The following DMD variants were observed in gnomAD, a reference collection of about 807,000 sequenced individuals.
The protein encoded by DMD is dystrophin.
In DMD, 63 loss-of-function variants were observed where a neutral mutation model predicts 330.1. The ratio of observed to expected loss-of-function variants is 0.19; its 90% CI spans 0.16 to 0.24. DMD has a LOEUF of 0.24. Ranked by LOEUF, DMD falls within the 10% of genes least tolerant of loss-of-function variation. The pLI, the probability that DMD is intolerant of heterozygous loss-of-function variation, is 1.00. For missense variants in DMD, 3,344 were observed against 2,684.1 expected, an observed-to-expected ratio of 1.25 and a Z score of -5.43; for synonymous variants, 1,223 against 959.8, an observed-to-expected ratio of 1.27 and a Z score of -5.07.
intron 45 of DMD, among the ~76,000 whole-genome samples, chrX:31,959,337 C>T (rs984251998): frequency 8.9e-6 from 1 of 111,760 alleles, no homozygotes; most frequent in African/African-American, 3.3e-5. Flanking sequence ...TTTGTCATGG[C>T]GTCATTTTTC....
intron 63 of DMD, among the ~76,000 whole-genome samples, chrX:31,227,697 A>G (rs1056547116): frequency 1.8e-5 from 2 of 110,628 alleles, no homozygotes; most frequent in Admixed American, 9.6e-5. Flanking sequence ...GGGCAGTATG[A>G]CCATTTTCAC....
chrX:32,600,856 G>C (rs1203071731), intron 12 of DMD, among the ~76,000 whole-genome samples: 1 of 111,156 alleles, frequency 9.0e-6, no homozygotes, highest in Non-Finnish European at 1.9e-5. Flanking sequence ...TCTAGGAATA[G>C]AGTTGAGTCT....
intron 7 of DMD, among the ~76,000 whole-genome samples, chrX:32,732,875 T>A (rs2067899463): frequency 9.1e-6 from 1 of 110,417 alleles, no homozygotes. Context: ...AATCACCAGC[T>A]AACATCATAA....
intron 1 of DMD, among the ~76,000 whole-genome samples, chrX:33,109,986 G>C (rs902637020): frequency 9.1e-6 from 1 of 110,066 alleles, no homozygotes; most frequent in African/African-American, 3.3e-5. Context: ...TTGTTTCTTT[G>C]TTTGTTTACA....
chrX:31,763,537 C>T (rs373275270), intron 51 of DMD, among the ~76,000 whole-genome samples: 112 of 110,762 alleles, frequency 1.0e-3, no homozygotes, highest in African/African-American at 3.3e-3. Context: ...CACTCCAGCC[C>T]GGGCAACAGT....
intron 44 of DMD, among the ~76,000 whole-genome samples, chrX:32,065,910 A>G (rs1473088559): frequency 9.0e-6 from 1 of 111,570 alleles, no homozygotes; most frequent in Non-Finnish European, 1.9e-5. Context: ...AACAAATTTC[A>G]CAGTACCTCT....
intron 6 of DMD, among the ~76,000 whole-genome samples, chrX:32,809,919 C>CCAAAAA (rs2077222247): frequency 3.5e-5 from 1 of 28,660 alleles, no homozygotes; most frequent in African/African-American, 1.3e-4. Flanking sequence ...TTGTTTCTAC[C>CCAAAAA]AAAAAAAAAA....
intron 1 of DMD, among the ~76,000 whole-genome samples, chrX:33,027,397 C>T (rs1263264032): frequency 2.7e-5 from 3 of 112,395 alleles, no homozygotes; most frequent in Admixed American, 9.4e-5. Context: ...GTACACAGCC[C>T]TTCTGGCATC....
chrX:32,680,979 T>G, intron 9 of DMD, among the ~76,000 whole-genome samples: 1 of 112,507 alleles, frequency 8.9e-6, no homozygotes. Flanking sequence ...CACTTTTCAC[T>G]GATTTCTTCT....
intron 13 of DMD, among the ~76,000 whole-genome samples, chrX:32,574,752 CAT>C (rs2052832909): frequency 9.0e-6 from 1 of 110,680 alleles, no homozygotes; most frequent in Non-Finnish European, 1.9e-5. Context: ...GTTTATAACT[CAT>C]ATTTTTGAAA....
chrX:31,289,530 T>C (rs1425917476), intron 62 of DMD, among the ~76,000 whole-genome samples: 2 of 110,707 alleles, frequency 1.8e-5, no homozygotes, highest in Admixed American at 9.6e-5. Flanking sequence ...AGACCAGGCC[T>C]GAATCCACTG....
chrX:32,835,283 C>T (rs1407323302), intron 4 of DMD, among the ~76,000 whole-genome samples: 1 of 111,855 alleles, frequency 8.9e-6, no homozygotes, highest in African/African-American at 3.2e-5. Flanking sequence ...ATGTTTCATC[C>T]TAGCTGGGAT....
rs1491296413 is a variant in DMD, at chrX:32,042,088, CAT to C, written c.6439-73576_6439-73575del. ...ATATGTACACATATATACACACACACATATGTATACATATATACATACATATA... is the reference window on the plus strand; with the variant it reads ...ATATGTACACATATATACACACACACATGTATACATATATACATACATATA... On this transcript the variant is annotated intron_variant, in intron 44 of 78. Transcript: ENST00000357033. Among the ~76,000 whole-genome samples, 11 of 81,555 alleles carry C rather than the reference CAT, an allele frequency of 1.3e-4. No homozygotes were observed. In the South Asian group the frequency reaches 3.1e-3, roughly 23 times the overall value. 70.8% of individuals were successfully genotyped at this position (81,555 alleles called of 115,157 possible). A position where few individuals can be genotyped will look rare whatever the true frequency, so the allele number is the denominator to read the frequency against.
At chrX:32,373,213 G>A (rs2097886801) in intron 34 of DMD, among the ~76,000 whole-genome samples, 1 of 108,064 alleles carries the variant, frequency 9.3e-6, no homozygotes, top group Non-Finnish European at 1.9e-5. Context: ...ATTCTGAGCA[G>A]GAAGAAAACT....
intron 1 of DMD, among the ~76,000 whole-genome samples, chrX:33,046,643 C>G (rs376095240): frequency 8.9e-6 from 1 of 112,034 alleles, no homozygotes; most frequent in African/African-American, 3.2e-5. Flanking sequence ...AAATATCAAT[C>G]CTGTTTCCTA....
chrX:33,100,620 G>A (rs1463144911), intron 1 of DMD, among the ~76,000 whole-genome samples: 1 of 111,404 alleles, frequency 9.0e-6, no homozygotes, highest in East Asian at 2.8e-4. Flanking sequence ...GAACCCAGGA[G>A]GCGGAGATTG....
At chrX:32,143,540 ATT>A (rs746106044) in intron 44 of DMD, among the ~76,000 whole-genome samples, 9 of 97,434 alleles carry the variant, frequency 9.2e-5, no homozygotes, top group Admixed American at 7.9e-4. Flanking sequence ...GTAAAAATAC[ATT>A]TTTTTTTTTT....
At chrX:31,531,028 G>C (rs1225405414) in intron 55 of DMD, among the ~76,000 whole-genome samples, 1 of 93,216 alleles carries the variant, frequency 1.1e-5, no homozygotes, top group East Asian at 3.5e-4. Flanking sequence ...TGGCTGCATA[G>C]TATTCCATGG....
At chrX:32,484,010 T>A (rs2042183846) in intron 21 of DMD, among the ~76,000 whole-genome samples, 1 of 110,827 alleles carries the variant, frequency 9.0e-6, no homozygotes, top group Admixed American at 9.7e-5. Context: ...ATTTTCCAAC[T>A]AATTTAAGTT....
Sources: gnomAD v4.1 joint callset for allele counts (sites outside exome capture counted in the v4.1 genomes callset) on GRCh38, gnomAD v4.1.1 for gene constraint, MANE v1.5 for transcripts, NCBI Gene and HGNC (gene_info 2026-07-23, HGNC 2026-07-21) for gene names.